The following C4orf50 variants were observed in gnomAD, a reference collection of about 807,000 sequenced individuals.
C4orf50 encodes the protein chromosome 4 open reading frame 50.
Under a neutral mutation model 77.2 loss-of-function variants are expected in C4orf50, and 80 were observed. That is an observed-to-expected ratio of 1.04 (90% CI 0.87 to 1.25). C4orf50 has a LOEUF of 1.25. C4orf50 is among the 50% of genes most tolerant of loss of function. C4orf50 has a pLI of 0.00. For synonymous variants in C4orf50, 532 were observed against 465.3 expected (o/e 1.14, Z -1.84); for missense variants, 1,257 against 1,152.9 (o/e 1.09, Z -1.31).
chr4:5,980,425 T>A, intron 28 of C4orf50, 87 bp from the exon 7 acceptor site: 3 of 1,217,478 alleles, frequency 2.5e-6, no homozygotes, highest in Non-Finnish European at 3.3e-6. Context: ...GTTTCCCCAC[T>A]CCGTAGTTTT....
exon 28 of C4orf50, chr4:5,989,299 C>A (rs1330623923): frequency 6.5e-7 from 1 of 1,535,986 alleles, no homozygotes; most frequent in Non-Finnish European, 8.7e-7. Flanking sequence ...GAGGGCACCC[C>A]AGGGCTCAGC....
rs28711217 is a variant in C4orf50 at position 5,992,149 on chromosome 4, C to T, written c.1221+654G>A. Among the ~76,000 whole-genome samples, 14,866 of 152,122 alleles carry T rather than the reference C, an allele frequency of 0.098. 1,256 individuals are homozygous for T. Among genetic ancestry groups the T allele is most frequent in the African/African-American group, 0.21 (8,898 of 41,502 alleles). On this transcript the variant is annotated intron_variant, in intron 27 of 33. Transcript: ENST00000531445. This position sits in a 1 kb window ranked among gnomAD's most constrained non-coding sequence, Gnocchi z 5.0. Reference sequence around the variant, plus strand: ...TTCAAGGGAAGGGGGCGGTGAGGAGCGAGGCATATAGGGATGTGACATCCA... The same window carrying T: ...TTCAAGGGAAGGGGGCGGTGAGGAGTGAGGCATATAGGGATGTGACATCCA...
At chr4:5,942,448 T>C (rs75561510) in intron 7 of C4orf50, among the ~76,000 whole-genome samples, 3,493 of 152,290 alleles carry the variant, frequency 0.023, 128 homozygotes, top group African/African-American at 0.08. Flanking sequence ...CTTGGCATCA[T>C]TTAGAAATTC....
In C4orf50 at chr4:6,008,208, C is replaced by G. The variant is rs922898764; in HGVS notation, c.751G>C (p.Glu251Gln). The G allele has an allele frequency of 5.0e-6, 2 of 397,666 alleles. No individual in the cohort carries two copies. Among genetic ancestry groups the G allele is most frequent in the East Asian group, 3.6e-5 (1 of 28,036 alleles). The allele number at this position is 397,666 out of a possible 1,614,324, so 24.6% of individuals were successfully genotyped here. A position where few individuals can be genotyped will look rare whatever the true frequency, so the allele number is the denominator to read the frequency against. The change falls in exon 25 of 34, where the codon GAG (glutamate) becomes CAG (glutamine). Residue 251 changes from glutamate (E) to glutamine (Q), a missense_variant. By Grantham distance (29) the Glu-to-Gln change is conservative. Transcript: ENST00000531445. The surrounding 1 kb of genome is among the most constrained non-coding windows in gnomAD (Gnocchi z 6.0). ...CGCGCCGCCTCTTCCCGCTCGCGCTCGCTGCGCTCTGCCCTCGCCTGCAGG... is the reference window on the plus strand; with the variant it reads ...CGCGCCGCCTCTTCCCGCTCGCGCTGGCTGCGCTCTGCCCTCGCCTGCAGG...
chr4:5,943,219 G>T (rs1368263633), intron 7 of C4orf50, among the ~76,000 whole-genome samples: 3 of 152,334 alleles, frequency 2.0e-5, no homozygotes, highest in African/African-American at 7.2e-5. Flanking sequence ...GGCACCCGCA[G>T]TAGGCTTCTT....
intron 25 of C4orf50, among the ~76,000 whole-genome samples, chr4:5,994,833 C>G (rs942589407): frequency 6.6e-6 from 1 of 152,202 alleles, no homozygotes; most frequent in Non-Finnish European, 1.5e-5. Context: ...CTGGGCCGTA[C>G]AGCAGGAGGT....
intron 7 of C4orf50, among the ~76,000 whole-genome samples, chr4:5,927,853 C>T (rs1038176544): frequency 1.3e-5 from 2 of 152,182 alleles, no homozygotes; most frequent in African/African-American, 4.8e-5. Context: ...TCAGCTCAGA[C>T]ATGGCCTCCT....
At chr4:5,928,361 CAT>C (rs1251327791) in intron 7 of C4orf50, among the ~76,000 whole-genome samples, 4 of 91,890 alleles carry the variant, frequency 4.4e-5, no homozygotes, top group African/African-American at 8.8e-5. Context: ...CACACACACA[CAT>C]ACACACACAC....
rs1365323003 is a variant in C4orf50 at position 5,905,895 on chromosome 4, C to T, written c.*2475-7707G>A. Among the ~76,000 whole-genome samples the T allele has an allele frequency of 6.7e-6, 1 of 149,650 alleles. No individual in the cohort carries two copies. Among genetic ancestry groups the T allele is most frequent in the Non-Finnish European group, 1.5e-5 (1 of 67,704 alleles). On this transcript the variant is annotated intron_variant, in intron 7 of 7. Transcript: ENST00000324058. This position sits in a 1 kb window ranked among gnomAD's most constrained non-coding sequence, Gnocchi z 5.4. The stretch of plus-strand genomic sequence containing the variant: ...GATGGGACACCTGCTGTGTGGTAAT[C>T]TCTATGCTAAGCACGGGGGCAGGGG...
intron 7 of C4orf50, among the ~76,000 whole-genome samples, chr4:5,926,310 G>A: frequency 6.6e-6 from 1 of 152,152 alleles, no homozygotes; most frequent in Admixed American, 6.5e-5. Context: ...CTTGAAAATG[G>A]GACGCTAGGT....
chr4:5,968,471 A>G (rs578061444), intron 31 of C4orf50, among the ~76,000 whole-genome samples: 1 of 152,256 alleles, frequency 6.6e-6, no homozygotes, highest in African/African-American at 2.4e-5. Flanking sequence ...ACCAGGCACA[A>G]TGCCTGCTCC....
intron 25 of C4orf50, among the ~76,000 whole-genome samples, chr4:5,998,139 T>G (rs1721677068): frequency 6.6e-6 from 1 of 152,172 alleles, no homozygotes; most frequent in African/African-American, 2.4e-5. Context: ...AAGGGATATG[T>G]TCATTTATAC....
chr4:5,929,870 G>A (rs1210135762), intron 7 of C4orf50, among the ~76,000 whole-genome samples: 1 of 152,258 alleles, frequency 6.6e-6, no homozygotes, highest in Non-Finnish European at 1.5e-5. Flanking sequence ...CCATTAAGCT[G>A]TGTTGTGACA....
At chr4:5,975,808 A>G in intron 30 of C4orf50, 91 bp downstream of exon 8, 1 of 1,032,532 alleles carries the variant, frequency 9.7e-7, no homozygotes, top group Non-Finnish European at 1.5e-6. Flanking sequence ...CTTTTATACA[A>G]TAGAGGTGGA....
At chr4:5,971,062 C>T (rs1719880221) in intron 31 of C4orf50, among the ~76,000 whole-genome samples, 1 of 152,170 alleles carries the variant, frequency 6.6e-6, no homozygotes, top group South Asian at 2.1e-4. Flanking sequence ...GCCCAGGGCC[C>T]TCCAGGGGTA....
intron 7 of C4orf50, among the ~76,000 whole-genome samples, chr4:5,911,785 C>T (rs1205301020): frequency 3.3e-5 from 5 of 152,224 alleles, no homozygotes; most frequent in South Asian, 2.1e-4. Context: ...TGGTGGCTCA[C>T]GCCTGTAATC....
intron 7 of C4orf50, among the ~76,000 whole-genome samples, chr4:5,907,843 A>G (rs1051750003): frequency 3.3e-5 from 5 of 152,172 alleles, no homozygotes; most frequent in Non-Finnish European, 7.3e-5. Flanking sequence ...GCTGGGCAGG[A>G]ACATGTTGGC....
Position 6,011,676 on chromosome 4 carries a change from C to T in C4orf50, c.426+154G>A, listed in dbSNP as rs967756266. Among the ~76,000 whole-genome samples, 38 of 152,176 alleles carry T rather than the reference C, an allele frequency of 2.5e-4. No homozygotes were observed. Among genetic ancestry groups the T allele is most frequent in the African/African-American group, 8.4e-4 (35 of 41,458 alleles). ...CTGCATGCCCCAGGCCCCGCAGTCA[C>T]GCCATGCACCATGAACGTAGGATCT... is the stretch of plus-strand genomic sequence containing the variant. On this transcript the variant is annotated intron_variant, in intron 24 of 33. Transcript: ENST00000531445. The surrounding 1 kb of genome is among the most constrained non-coding windows in gnomAD (Gnocchi z 4.2).
chr4:5,963,956 G>A (rs1015654245), intron 33 of C4orf50, among the ~76,000 whole-genome samples: 2 of 152,248 alleles, frequency 1.3e-5, no homozygotes, highest in African/African-American at 4.8e-5. Context: ...AGAGGGGAGT[G>A]CTGCTCTGGC....
Sources: gnomAD v4.1 joint callset for allele counts (sites outside exome capture counted in the v4.1 genomes callset) on GRCh38, gnomAD v4.1.1 for gene constraint, Gnocchi (gnomAD v3.1) non-coding constraint, MANE v1.5 for transcripts, NCBI Gene and HGNC (gene_info 2026-07-23, HGNC 2026-07-21) for gene names.